The following SHROOM3 variants were observed in gnomAD, a reference collection of about 807,000 sequenced individuals.
The protein encoded by SHROOM3 is protein Shroom3.
SHROOM3 carries 47 observed loss-of-function variants against 138.6 expected under a neutral mutation model. The ratio of observed to expected loss-of-function variants is 0.34; its 90% CI spans 0.27 to 0.43. The LOEUF (loss-of-function observed/expected upper bound fraction) is 0.43, where lower values mean the gene tolerates loss of function less well. SHROOM3 is among the 20% of genes least tolerant of loss of function. SHROOM3 has a pLI of 1.00. For synonymous variants in SHROOM3, 1,062 were observed against 1,063.3 expected, an observed-to-expected ratio of 1.00 and a Z score of 0.02; for missense variants, 2,491 against 2,596.5, an observed-to-expected ratio of 0.96 and a Z score of 0.88.
At chr4:76,738,344 T>A (rs1300768832) in intron 4 of SHROOM3, among the ~76,000 whole-genome samples, 1 of 152,316 alleles carries the variant, frequency 6.6e-6, no homozygotes. Context: ...GCCTATTCTC[T>A]TATTAACTTT....
intron 1 of SHROOM3, among the ~76,000 whole-genome samples, chr4:76,468,914 G>A (rs999876877): frequency 6.6e-6 from 1 of 151,898 alleles, no homozygotes; most frequent in Non-Finnish European, 1.5e-5. Flanking sequence ...GGCGACTGTA[G>A]TCCCAGCTAC....
chr4:76,756,290 T>G (rs1721807654), intron 7 of SHROOM3, among the ~76,000 whole-genome samples, 159 bp from the exon 8 acceptor site: 1 of 152,196 alleles, frequency 6.6e-6, no homozygotes, highest in Non-Finnish European at 1.5e-5. Context: ...TTCTTTAACA[T>G]TAGCTCTGTC....
At chr4:76,755,854 G>A (rs1721791438) in intron 7 of SHROOM3, among the ~76,000 whole-genome samples, 1 of 152,184 alleles carries the variant, frequency 6.6e-6, no homozygotes, top group Non-Finnish European at 1.5e-5. Flanking sequence ...TGAGAAAGAA[G>A]CATTCCCCAA....
In SHROOM3 at chr4:76,625,907, T is replaced by C. The variant is rs557278091; in HGVS notation, c.323+70144T>C. Among the ~76,000 whole-genome samples, 16 of 152,358 alleles carry C rather than the reference T, an allele frequency of 1.1e-4. No homozygotes were observed. In the East Asian group the frequency reaches 2.5e-3, roughly 24 times the overall value. ...CTATTATACTTAGAGCCTAGCACAG[T>C]GCCTGGCATACAGTAGCTATACAGC... On this transcript the variant is annotated intron_variant, in intron 2 of 10. Transcript: ENST00000296043.
rs1434031404 is a variant in SHROOM3, at chr4:76,749,061, T to G, written c.3798T>G (p.Asp1266Glu). ...GQDSGFGLVK[D>E]PCYLAGPGSR... ...ACAGTGGCTTTGGTCTTGTGAAGGA[T>G]CCATGTTATTTGGCTGGTCCTGGAT... is the stretch of plus-strand genomic sequence containing the variant. The change falls in exon 6 of 11, where the codon GAT becomes GAG. Residue 1266 changes from aspartate to glutamate, a missense_variant. By Grantham distance (45) the Asp-to-Glu change is conservative. Around this residue, in one of 4 missense-constraint regions of SHROOM3, gnomAD observed 1,733 missense variants for 1,661.6 expected, o/e 1.04. Coordinates refer to ENST00000296043, the MANE Select transcript of SHROOM3 (RefSeq NM_020859.4). 6.2e-7 allele frequency: 1 copy of G among 1,613,930 alleles called. No individual in the cohort carries two copies. The highest frequency in any genetic ancestry group is 8.5e-7 in the Non-Finnish European group (1 of 1,179,956).
intron 1 of SHROOM3, among the ~76,000 whole-genome samples, chr4:76,510,047 A>G (rs184934533): frequency 5.3e-5 from 8 of 152,278 alleles, no homozygotes; most frequent in Non-Finnish European, 1.0e-4. Flanking sequence ...GGACTGTGAA[A>G]TGGTGCGGGC....
At position 76,740,597 on chromosome 4, in the gene SHROOM3, C is replaced by A. The variant is rs773987275; in HGVS notation, c.2424C>A (p.Asn808Lys). Residue 808 changes from asparagine to lysine, a missense_variant, in exon 5 of 11, where the codon AAC becomes AAA. Asn to Lys is a moderately conservative substitution (Grantham distance 94). Transcript: ENST00000296043. The surrounding 1 kb of genome is among the most constrained non-coding windows in gnomAD (Gnocchi z 4.0). ...TGGGCGGCTCTGGTTTTGGCCATAA[C>A]TATAGGCCCCACAGGACCGTCTCAA... is the stretch of plus-strand genomic sequence containing the variant. Reference protein sequence around the residue: ...PSVGGSGFGHNYRPHRTVSTS... With the variant: ...PSVGGSGFGHKYRPHRTVSTS... 3 of 1,614,170 alleles carry A rather than the reference C, an allele frequency of 1.9e-6. No homozygotes were observed. The Admixed American group carries it at 5.0e-5, about 27-fold the overall frequency.
intron 3 of SHROOM3, among the ~76,000 whole-genome samples, chr4:76,727,924 T>C (rs1413029433): frequency 1.4e-5 from 2 of 138,572 alleles, no homozygotes; most frequent in East Asian, 4.0e-4. Context: ...AAGGCCAAGG[T>C]GGGCGGATCA....
intron 2 of SHROOM3, among the ~76,000 whole-genome samples, chr4:76,599,966 C>T (rs144515472): frequency 8.6e-5 from 13 of 151,784 alleles, no homozygotes; most frequent in Middle Eastern, 3.4e-3. Flanking sequence ...GACAACATAG[C>T]GGACCCTATT....
intron 2 of SHROOM3, among the ~76,000 whole-genome samples, chr4:76,574,819 G>A (rs920326516): frequency 1.3e-5 from 2 of 152,180 alleles, no homozygotes; most frequent in African/African-American, 4.8e-5. Context: ...CCACAGGTTG[G>A]GGGAGGGGAG....
intron 1 of SHROOM3, among the ~76,000 whole-genome samples, chr4:76,511,486 A>G (rs1263857005): frequency 6.6e-6 from 1 of 152,084 alleles, no homozygotes; most frequent in Admixed American, 6.6e-5. Flanking sequence ...CCACTCAACA[A>G]CACCTCTGCC....
At chr4:76,712,230 GAC>G in intron 3 of SHROOM3, among the ~76,000 whole-genome samples, 1 of 152,288 alleles carries the variant, frequency 6.6e-6, no homozygotes, top group Middle Eastern at 3.4e-3. Flanking sequence ...CAAGAGATGA[GAC>G]AGATTTGAGA....
At chr4:76,523,001 C>T (rs1368142414) in intron 1 of SHROOM3, among the ~76,000 whole-genome samples, 2 of 152,092 alleles carry the variant, frequency 1.3e-5, no homozygotes, top group Non-Finnish European at 2.9e-5. Flanking sequence ...TTCTCACAAA[C>T]CAGGTAGCTA....
intron 2 of SHROOM3, among the ~76,000 whole-genome samples, chr4:76,636,078 A>G (rs1042333158): frequency 2.6e-5 from 4 of 152,232 alleles, no homozygotes; most frequent in Non-Finnish European, 5.9e-5. Context: ...GGTTCCTGGG[A>G]ATGCTTCTTC....
intron 1 of SHROOM3, among the ~76,000 whole-genome samples, chr4:76,534,381 T>A (rs755793603): frequency 5.3e-5 from 8 of 152,184 alleles, no homozygotes; most frequent in Non-Finnish European, 5.9e-5. Flanking sequence ...CAGCCTACTA[T>A]GTGGCGGATA....
chr4:76,740,262 G>A lies in SHROOM3; in HGVS notation c.2089G>A (p.Val697Ile). The A allele has an allele frequency of 1.9e-6, 3 of 1,613,286 alleles. No homozygotes were observed. Among genetic ancestry groups the A allele is most frequent in the Non-Finnish European group, 2.5e-6 (3 of 1,180,046 alleles). ...GYPGGRPTCAVNTKAEDPGRK... is the reference protein window; with the variant it reads ...GYPGGRPTCAINTKAEDPGRK... Reference sequence around the variant, plus strand: ...CCCCGGGGGCAGGCCCACCTGTGCAGTCAACACCAAGGCAGAAGACCCTGG... The same window carrying A: ...CCCCGGGGGCAGGCCCACCTGTGCAATCAACACCAAGGCAGAAGACCCTGG... Residue 697 changes from valine (V) to isoleucine (I), a missense_variant, in exon 5 of 11, where the codon GTC becomes ATC. Val to Ile is a conservative substitution (Grantham distance 29, BLOSUM62 3). This residue lies in a region of SHROOM3 where 1,733 missense variants were observed against 1,661.6 expected (regional missense o/e 1.04). Coordinates refer to ENST00000296043, the MANE Select transcript of SHROOM3 (RefSeq NM_020859.4). The surrounding 1 kb of genome is among the most constrained non-coding windows in gnomAD (Gnocchi z 4.0).
At chr4:76,680,050 TGAA>T (rs1415187845) in intron 2 of SHROOM3, among the ~76,000 whole-genome samples, 1 of 152,164 alleles carries the variant, frequency 6.6e-6, no homozygotes, top group Non-Finnish European at 1.5e-5. Flanking sequence ...GCTTCAAGGT[TGAA>T]AAGGAAAAAC....
intron 1 of SHROOM3, among the ~76,000 whole-genome samples, chr4:76,551,328 A>G (rs1733349273): frequency 6.6e-6 from 1 of 152,212 alleles, no homozygotes; most frequent in Admixed American, 6.5e-5. Context: ...TCATGAGGAC[A>G]TGATATAAAC....
intron 1 of SHROOM3, among the ~76,000 whole-genome samples, chr4:76,481,593 A>G (rs969690788): frequency 6.6e-6 from 1 of 152,098 alleles, no homozygotes; most frequent in Non-Finnish European, 1.5e-5. Flanking sequence ...TCCTTCTGAA[A>G]CTATTCCAAA....
Sources: allele counts gnomAD v4.1 joint callset (sites outside exome capture counted in the v4.1 genomes callset), GRCh38; gene constraint gnomAD v4.1.1; regional missense constraint gnomAD v4.1.1; non-coding constraint Gnocchi (gnomAD v3.1); transcripts MANE v1.5; gene names NCBI Gene and HGNC (gene_info 2026-07-23, HGNC 2026-07-21).